Variants in DPH6 observed in about 807,000 individuals in gnomAD.
DPH6 encodes diphthine--ammonia ligase.
Under a neutral mutation model 38.2 loss-of-function variants are expected in DPH6, and 33 were observed. The ratio of observed to expected loss-of-function variants is 0.86; its 90% CI spans 0.65 to 1.15. The LOEUF is 1.15. Among genes scored for constraint, DPH6 ranks in the 50% most tolerant of loss-of-function variants. The pLI, the probability that DPH6 is intolerant of heterozygous loss-of-function variation, is 0.00. For synonymous variants in DPH6, 108 were observed against 103.0 expected (o/e 1.05, Z -0.30); for missense variants, 325 against 320.0 (o/e 1.02, Z -0.12).
At chr15:35,408,521 G>A (rs1342328436) in intron 6 of DPH6, among the ~76,000 whole-genome samples, 1 of 151,830 alleles carries the variant, frequency 6.6e-6, no homozygotes, top group African/African-American at 2.4e-5. Context: ...GAAAGACTTG[G>A]GAGTCATCAG....
At chr15:35,372,377 C>T in intron 8 of DPH6, 174 bp from the exon 9 acceptor site, 1 of 458,084 alleles carries the variant, frequency 2.2e-6, no homozygotes, top group East Asian at 3.8e-5. Context: ...AATCAAATAC[C>T]AAAACAACGA....
At chr15:35,466,927 A>G (rs1253315216) in intron 3 of DPH6, among the ~76,000 whole-genome samples, 4 of 152,242 alleles carry the variant, frequency 2.6e-5, no homozygotes, top group African/African-American at 9.6e-5. Flanking sequence ...TGGAGCTTAC[A>G]GGACTGGAAA....
At chr15:35,324,557 C>T (rs140302663) in intron 3 of DPH6, among the ~76,000 whole-genome samples, 9 of 152,242 alleles carry the variant, frequency 5.9e-5, no homozygotes, top group East Asian at 3.9e-4. Flanking sequence ...CCCCTATCTT[C>T]GAAAGACAGC....
intron 3 of DPH6, among the ~76,000 whole-genome samples, chr15:35,487,647 T>C (rs1163290077): frequency 6.6e-6 from 1 of 152,228 alleles, no homozygotes; most frequent in East Asian, 1.9e-4. Context: ...TCCAGGCCTG[T>C]GATGGGAGGG....
At chr15:35,365,363 A>T (rs1026452541) in intron 3 of DPH6, among the ~76,000 whole-genome samples, 3 of 152,144 alleles carry the variant, frequency 2.0e-5, no homozygotes, top group African/African-American at 7.2e-5. Context: ...TGTACACCCA[A>T]TGTCTAAACA....
chr15:35,511,662 C>T (rs892431788), intron 3 of DPH6, among the ~76,000 whole-genome samples: 4 of 151,642 alleles, frequency 2.6e-5, no homozygotes, highest in Non-Finnish European at 4.4e-5. Flanking sequence ...GTAATAGCAG[C>T]GTTTTCATAT....
intron 7 of DPH6, among the ~76,000 whole-genome samples, chr15:35,374,283 G>A (rs1368420851): frequency 2.6e-5 from 4 of 152,018 alleles, no homozygotes; most frequent in Non-Finnish European, 5.9e-5. Context: ...TGTTTATTAA[G>A]AGAGTAATAA....
chr15:35,240,857 C>T lies in DPH6; in HGVS notation n.201-20275G>A, dbSNP rs992875346. Among the ~76,000 whole-genome samples the T allele has an allele frequency of 8.4e-5, 12 of 143,396 alleles. 1 individual carries two copies. The highest frequency in any genetic ancestry group is 2.8e-4 in the African/African-American group (11 of 39,558). The allele number at this position is 143,396 out of a possible 152,430, so 94.1% of individuals were successfully genotyped here. A position where few individuals can be genotyped will look rare whatever the true frequency, so the allele number is the denominator to read the frequency against. ...AAACTCCAAAAATTAAATTCCGGCC[C>T]TCAAACCCCACAACAGGATTTAATT... On this transcript the variant is annotated intron_variant and non_coding_transcript_variant, in intron 3 of 3. Coordinates refer to the DPH6 transcript ENST00000560386.
chr15:35,427,213 G>A lies in DPH6; in HGVS notation c.506-16317C>T, dbSNP rs192317471. ...CTGCTGTACAGGAGAGTGAGGAAAC[G>A]ACTATTCCAAGGGCACTTTCTGAGA... On this transcript the variant is annotated intron_variant, in intron 5 of 8. Transcript: ENST00000256538. Among the ~76,000 whole-genome samples the A allele has an allele frequency of 8.9e-4, 135 of 151,818 alleles. 1 individual carries two copies. The highest frequency in any genetic ancestry group is 1.3e-3 in the Non-Finnish European group (91 of 67,724).
chr15:35,516,367 A>G (rs1341508499), intron 3 of DPH6, among the ~76,000 whole-genome samples: 1 of 152,214 alleles, frequency 6.6e-6, no homozygotes, highest in African/African-American at 2.4e-5. Context: ...AATAGTTAAT[A>G]TTTATTGATG....
intron 3 of DPH6, among the ~76,000 whole-genome samples, chr15:35,480,776 C>T (rs1165340646): frequency 6.6e-6 from 1 of 151,798 alleles, no homozygotes; most frequent in African/African-American, 2.4e-5. Flanking sequence ...TTTATCCTGT[C>T]TTTCTCATAT....
At chr15:35,320,705 G>T (rs755052154) in intron 3 of DPH6, among the ~76,000 whole-genome samples, 18 of 152,112 alleles carry the variant, frequency 1.2e-4, no homozygotes, top group Non-Finnish European at 2.6e-4. Context: ...CAACTTTGTT[G>T]TAATTGGCCA....
chr15:35,324,522 GC>G (rs2140849985), intron 3 of DPH6, among the ~76,000 whole-genome samples: 1 of 120,126 alleles, frequency 8.3e-6, no homozygotes, highest in South Asian at 2.7e-4. Flanking sequence ...CTAGCAGTTC[GC>G]TTACGACTTC....
Position 35,225,160 on chromosome 15 carries a change from C to T in DPH6, n.201-4578G>A, listed in dbSNP as rs900555364. ...GGTGCACTGGTAAGGCATTTTGTCT[C>T]TCAATCTGAGTTTATCTGATACTCA... is the stretch of plus-strand genomic sequence containing the variant. On this transcript the variant is annotated intron_variant and non_coding_transcript_variant, in intron 3 of 3. Coordinates refer to the DPH6 transcript ENST00000560386. 3.9e-5 allele frequency among the ~76,000 whole-genome samples: 6 copies of T among 152,154 alleles called. 1 individual carries two copies. Among genetic ancestry groups the T allele is most frequent in the Non-Finnish European group, 8.8e-5 (6 of 68,018 alleles).
At chr15:35,492,178 G>A (rs2054492028) in intron 3 of DPH6, among the ~76,000 whole-genome samples, 2 of 152,078 alleles carry the variant, frequency 1.3e-5, no homozygotes, top group South Asian at 2.1e-4. Flanking sequence ...AGGCAGAGAG[G>A]AGGAATTCTG....
intron 6 of DPH6, among the ~76,000 whole-genome samples, chr15:35,389,743 G>T (rs188767826): frequency 1.3e-5 from 2 of 152,094 alleles, no homozygotes; most frequent in Non-Finnish European, 2.9e-5. Flanking sequence ...GTCTCTGCAC[G>T]TGAGATTGGT....
intron 7 of DPH6, 131 bp from the exon 8 acceptor site, chr15:35,373,739 T>C: frequency 1.9e-6 from 1 of 533,410 alleles, no homozygotes; most frequent in African/African-American, 2.0e-5. Context: ...CATGTAGTGA[T>C]TAATAAATAT....
intron 4 of DPH6, among the ~76,000 whole-genome samples, chr15:35,451,304 C>T (rs2141081336): frequency 6.6e-6 from 1 of 152,132 alleles, no homozygotes; most frequent in South Asian, 2.1e-4. Flanking sequence ...GCTGCAGGCA[C>T]TGTACTAGAT....
chr15:35,267,707 C>T (rs1293475417), intron 3 of DPH6, among the ~76,000 whole-genome samples: 3 of 152,130 alleles, frequency 2.0e-5, no homozygotes, highest in African/African-American at 7.2e-5. Flanking sequence ...TATTCATTTG[C>T]CATCCCTTTT....
Sources: gnomAD v4.1 joint callset for allele counts (sites outside exome capture counted in the v4.1 genomes callset) on GRCh38, gnomAD v4.1.1 for gene constraint, MANE v1.5 for transcripts, NCBI Gene and HGNC (gene_info 2026-07-23, HGNC 2026-07-21) for gene names.